Variants in CDH13 observed in about 807,000 individuals in gnomAD.
The protein encoded by CDH13 is cadherin 13.
CDH13 carries 24 observed loss-of-function variants against 63.8 expected under a neutral mutation model. That is an observed-to-expected ratio of 0.38 (90% CI 0.27 to 0.53). The LOEUF is 0.53. Among genes scored for constraint, CDH13 ranks in the 20% least tolerant of loss-of-function variants. The pLI is 0.85. For missense variants in CDH13, 1,049 were observed against 903.1 expected, an observed-to-expected ratio of 1.16 and a Z score of -2.07; for synonymous variants, 503 against 355.3, an observed-to-expected ratio of 1.42 and a Z score of -4.67.
At chr16:82,922,636 G>C (rs917860891) in intron 2 of CDH13, among the ~76,000 whole-genome samples, 2 of 152,130 alleles carry the variant, frequency 1.3e-5, no homozygotes, top group South Asian at 2.1e-4. Context: ...CTGCTCTGGA[G>C]AGAAAAGCTC....
intron 2 of CDH13, among the ~76,000 whole-genome samples, chr16:82,922,594 A>C (rs1567664279): frequency 6.6e-6 from 1 of 152,162 alleles, no homozygotes; most frequent in Non-Finnish European, 1.5e-5. Flanking sequence ...TGCCTTCAAA[A>C]CTCAGGATCT....
rs1001331081 is a variant in CDH13 at position 83,132,601 on chromosome 16, G to A, written c.483+7100G>A. 4.6e-5 allele frequency among the ~76,000 whole-genome samples: 7 copies of A among 151,580 alleles called. 1 individual carries two copies. The highest frequency in any genetic ancestry group is 1.9e-4 in the East Asian group (1 of 5,148). The stretch of plus-strand genomic sequence containing the variant: ...TGGGACTACAGGTGGATGCCACCAC[G>A]CCCAGCTAATTTTTGTATTTTTTTA... On this transcript the variant is annotated intron_variant, in intron 4 of 13. Transcript: ENST00000567109.
At chr16:83,166,291 T>C (rs1446694966) in intron 4 of CDH13, among the ~76,000 whole-genome samples, 1 of 152,094 alleles carries the variant, frequency 6.6e-6, no homozygotes, top group East Asian at 1.9e-4. Flanking sequence ...TGTAAATCTC[T>C]AACATGGTGT....
At chr16:83,687,456 C>A (rs1285187987) in intron 10 of CDH13, among the ~76,000 whole-genome samples, 1 of 152,120 alleles carries the variant, frequency 6.6e-6, no homozygotes, top group East Asian at 1.9e-4. Context: ...AGGTGCTACA[C>A]ACTTTTAAAC....
At chr16:83,476,796 A>G (rs560835829) in intron 6 of CDH13, among the ~76,000 whole-genome samples, 1 of 152,244 alleles carries the variant, frequency 6.6e-6, no homozygotes, top group Admixed American at 6.5e-5. Flanking sequence ...CTAATTCAAT[A>G]TAAAGAGTAT....
Position 83,796,473 on chromosome 16 carries a change from T to C in CDH13, c.*1443T>C, listed in dbSNP as rs561812684. 1.3e-5 allele frequency: 2 copies of C among 152,376 alleles called. No individual in the cohort carries two copies. Among genetic ancestry groups the C allele is most frequent in the East Asian group, 3.9e-4 (2 of 5,192 alleles). 9.4% of individuals were successfully genotyped at this position (152,376 alleles called of 1,614,324 possible). ...AGTAGAAGTCATATGTTGTCTTTGT[T>C]GTAGTGAAATTATACAGATAGAGTT... On this transcript the variant is annotated 3_prime_UTR_variant, in exon 14 of 14. Coordinates refer to ENST00000567109, the MANE Select transcript of CDH13 (RefSeq NM_001257.5).
chr16:83,664,657 G>C (rs922284349), intron 8 of CDH13, among the ~76,000 whole-genome samples: 1 of 151,922 alleles, frequency 6.6e-6, no homozygotes, highest in African/African-American at 2.4e-5. Context: ...TTCACATTTT[G>C]TGTATGGTGT....
intron 7 of CDH13, among the ~76,000 whole-genome samples, chr16:83,600,162 C>G (rs4782828): frequency 0.066 from 10,051 of 152,228 alleles, 937 homozygotes; most frequent in African/African-American, 0.2. Context: ...GATGGCATCT[C>G]AAGCACCTTC....
intron 7 of CDH13, among the ~76,000 whole-genome samples, chr16:83,565,301 G>A (rs913046771): frequency 6.6e-6 from 1 of 151,160 alleles, no homozygotes; most frequent in East Asian, 1.9e-4. Context: ...CCTCATCTGC[G>A]CTATAGGCAC....
At chr16:83,363,897 A>C (rs934632316) in intron 6 of CDH13, among the ~76,000 whole-genome samples, 1 of 152,156 alleles carries the variant, frequency 6.6e-6, no homozygotes, top group Non-Finnish European at 1.5e-5. Flanking sequence ...CAGGACATCA[A>C]GTGGACTTGT....
chr16:83,270,102 A>T (rs909910436), intron 5 of CDH13, among the ~76,000 whole-genome samples: 6 of 152,242 alleles, frequency 3.9e-5, no homozygotes, highest in African/African-American at 1.4e-4. Context: ...TGAGAATTTT[A>T]ATTTCCACAA....
chr16:82,685,885 C>G lies in CDH13; in HGVS notation c.45+58748C>G, dbSNP rs16958259. 0.027 allele frequency among the ~76,000 whole-genome samples: 4,123 copies of G among 152,214 alleles called. 323 individuals are homozygous for G. The East Asian group carries it at 0.32, about 12-fold the overall frequency. ...AGCAGAGACAGTCCTCTTTTTGATA[C>G]GTGGTTTTCAGGTGCTCCCTTTAGG... is the stretch of plus-strand genomic sequence containing the variant. On this transcript the variant is annotated intron_variant, in intron 1 of 13. Transcript: ENST00000567109.
At chr16:82,972,403 T>C (rs965062751) in intron 2 of CDH13, among the ~76,000 whole-genome samples, 3 of 152,202 alleles carry the variant, frequency 2.0e-5, no homozygotes, top group Non-Finnish European at 4.4e-5. Flanking sequence ...CTTGTATTTC[T>C]GAGTCCCATT....
At chr16:83,590,494 A>G (rs1458098705) in intron 7 of CDH13, among the ~76,000 whole-genome samples, 3 of 152,202 alleles carry the variant, frequency 2.0e-5, no homozygotes, top group African/African-American at 2.4e-5. Flanking sequence ...ATATTGGCCC[A>G]TGGAGGATAA....
At chr16:82,758,818 C>A (rs182167621) in intron 1 of CDH13, among the ~76,000 whole-genome samples, 1 of 152,302 alleles carries the variant, frequency 6.6e-6, no homozygotes, top group East Asian at 1.9e-4. Context: ...AGCATGGCAG[C>A]CTGGTGTGTA....
intron 8 of CDH13, among the ~76,000 whole-genome samples, chr16:83,629,067 C>T (rs1207962854): frequency 6.6e-6 from 1 of 152,136 alleles, no homozygotes; most frequent in East Asian, 1.9e-4. Context: ...TATGTTCCTG[C>T]TACTGAGTAA....
chr16:82,673,308 A>G (rs1251501892), intron 1 of CDH13, among the ~76,000 whole-genome samples: 2 of 152,104 alleles, frequency 1.3e-5, no homozygotes, highest in Non-Finnish European at 2.9e-5. Flanking sequence ...TCATTCATTC[A>G]ATAAACACTT....
Position 83,538,885 on chromosome 16 carries a change from G to A in CDH13, c.960+52230G>A, listed in dbSNP as rs1481122526. On this transcript the variant is annotated intron_variant, in intron 7 of 13. Transcript: ENST00000567109. ...TATAAAATTTTGTAAAAAAATATAT[G>A]TTAGATAATGCTTAGTCATCCTTCG... is the stretch of plus-strand genomic sequence containing the variant. 2.0e-5 allele frequency among the ~76,000 whole-genome samples: 3 copies of A among 152,160 alleles called. No individual in the cohort carries two copies. In the East Asian group the frequency reaches 5.8e-4, roughly 29 times the overall value.
chr16:82,738,018 GC>G (rs2033761488), intron 1 of CDH13, among the ~76,000 whole-genome samples: 1 of 152,156 alleles, frequency 6.6e-6, no homozygotes, highest in South Asian at 2.1e-4. Flanking sequence ...ATGTTTAAGT[GC>G]ACAATGCAGT....
Sources: gnomAD v4.1 joint callset for allele counts (sites outside exome capture counted in the v4.1 genomes callset) on GRCh38, gnomAD v4.1.1 for gene constraint, MANE v1.5 for transcripts, NCBI Gene and HGNC (gene_info 2026-07-23, HGNC 2026-07-21) for gene names.